TBC1D12: variants seen among roughly 807,000 people sequenced by gnomAD.
The protein encoded by TBC1D12 is TBC1 domain family member 12.
Under a neutral mutation model 86.7 loss-of-function variants are expected in TBC1D12, and 56 were observed. That is an observed-to-expected ratio of 0.65 (90% CI 0.52 to 0.81). The LOEUF (loss-of-function observed/expected upper bound fraction) is 0.81, where lower values mean the gene tolerates loss of function less well. Among genes scored for constraint, TBC1D12 ranks in the 30% least tolerant of loss-of-function variants. TBC1D12 has a pLI of 0.00. For missense variants in TBC1D12, 1,023 were observed against 1,038.8 expected, an observed-to-expected ratio of 0.98 and a Z score of 0.21; for synonymous variants, 421 against 411.7, an observed-to-expected ratio of 1.02 and a Z score of -0.27.
chr10:94,456,163 C>T (rs763287505), intron 2 of TBC1D12, among the ~76,000 whole-genome samples: 3 of 151,950 alleles, frequency 2.0e-5, no homozygotes, highest in Non-Finnish European at 2.9e-5. Context: ...CTACTGACTT[C>T]CTGTTTTCAA....
At chr10:94,490,211 C>T (rs1457230347) in intron 3 of TBC1D12, among the ~76,000 whole-genome samples, 2 of 151,702 alleles carry the variant, frequency 1.3e-5, no homozygotes, top group Non-Finnish European at 2.9e-5. Context: ...GCCAAGATTG[C>T]GCCTTTGCAC....
At chr10:94,440,647 T>C (rs1029214546) in intron 1 of TBC1D12, among the ~76,000 whole-genome samples, 2 of 152,256 alleles carry the variant, frequency 1.3e-5, no homozygotes, top group Non-Finnish European at 2.9e-5. Flanking sequence ...GAACTGTTTG[T>C]AATTAATCAT....
At position 94,489,022 on chromosome 10, in the gene TBC1D12, G is replaced by A. The variant is rs117989707; in HGVS notation, c.1212-4343G>A. Among the ~76,000 whole-genome samples the A allele has an allele frequency of 9.6e-3, 1,461 of 152,306 alleles. 14 individuals are homozygous for A. Among genetic ancestry groups the A allele is most frequent in the Non-Finnish European group, 0.015 (1,033 of 68,024 alleles). Reference sequence around the variant, plus strand: ...CAAATGTCCTGTCTGGTGTCTCACTGTGTCATCTACTGCCCCAGTCCACCG... The same window carrying A: ...CAAATGTCCTGTCTGGTGTCTCACTATGTCATCTACTGCCCCAGTCCACCG... On this transcript the variant is annotated intron_variant, in intron 3 of 12. Transcript: ENST00000225235.
rs1165066740 is a variant in TBC1D12 at position 94,517,593 on chromosome 10, GTA to G, written c.1762-4361_1762-4360del. 4.6e-5 allele frequency among the ~76,000 whole-genome samples: 7 copies of G among 152,022 alleles called. No homozygotes were observed. In the East Asian group the frequency reaches 1.4e-3, roughly 30 times the overall value. ...AGCTCTGTTAGGTCACTGAATTTAT[GTA>G]AAGTGACCACCATATAACTTAACTG... On this transcript the variant is annotated intron_variant, in intron 9 of 12. Transcript: ENST00000225235.
chr10:94,419,397 G>A (rs976553110), intron 1 of TBC1D12, among the ~76,000 whole-genome samples: 6 of 152,108 alleles, frequency 3.9e-5, no homozygotes, highest in Admixed American at 6.6e-5. Flanking sequence ...TTAAAAGGCC[G>A]GGTGCGGTGG....
intron 1 of TBC1D12, among the ~76,000 whole-genome samples, chr10:94,404,208 C>G (rs1180801107): frequency 6.6e-6 from 1 of 152,130 alleles, no homozygotes; most frequent in East Asian, 1.9e-4. Flanking sequence ...AGAATTTTAT[C>G]CCAACTTTTT....
intron 8 of TBC1D12, among the ~76,000 whole-genome samples, 185 bp from the exon 9 acceptor site, chr10:94,511,398 G>T (rs1225704725): frequency 6.6e-6 from 1 of 151,964 alleles, no homozygotes; most frequent in Non-Finnish European, 1.5e-5. Context: ...GCACCCATCT[G>T]CAGTATTAAA....
intron 1 of TBC1D12, among the ~76,000 whole-genome samples, chr10:94,410,087 G>A (rs888370485): frequency 3.9e-5 from 6 of 152,122 alleles, no homozygotes; most frequent in Non-Finnish European, 8.8e-5. Flanking sequence ...TAAGTGGAAG[G>A]AACTTCTATG....
In TBC1D12 at chr10:94,521,981, A is replaced by C; in HGVS notation, c.1788A>C (p.Ala596=). 1 of 1,610,980 alleles carries C rather than the reference A, an allele frequency of 6.2e-7. No homozygotes were observed. Among genetic ancestry groups the C allele is most frequent in the Non-Finnish European group, 8.5e-7 (1 of 1,177,900 alleles). The change falls in exon 10 of 13, where the codon GCA becomes GCC. Residue 596 remains alanine (A), a synonymous_variant. Coordinates refer to ENST00000225235, the MANE Select transcript of TBC1D12 (RefSeq NM_015188.2). The part of the protein sequence containing the change: ...GYVQGMSFIA[A]VLILNLEEAD... ...TCCAAGGGATGTCCTTCATTGCAGC[A>C]GTACTCATTCTCAATTTGGAAGAGG...
chr10:94,431,150 C>T (rs546871321), intron 1 of TBC1D12, among the ~76,000 whole-genome samples: 1 of 152,234 alleles, frequency 6.6e-6, no homozygotes, highest in East Asian at 1.9e-4. Context: ...TGTGGCGGCT[C>T]ACTCCTGTAA....
rs11187932 is a variant in TBC1D12, at chr10:94,414,175, G to C, written c.971+10591G>C. ...TTGTTTCCACGTTATTCTTGTTAAG[G>C]TGGTAAGAAGATGATAAAGAAGATT... On this transcript the variant is annotated intron_variant, in intron 1 of 12. Transcript: ENST00000225235. 2.2e-4 allele frequency among the ~76,000 whole-genome samples: 34 copies of C among 152,138 alleles called. 1 individual carries two copies. In the East Asian group the frequency reaches 5.4e-3, roughly 24 times the overall value.
At chr10:94,502,948 C>T (rs1040609890) in intron 6 of TBC1D12, among the ~76,000 whole-genome samples, 2 of 152,142 alleles carry the variant, frequency 1.3e-5, no homozygotes, top group African/African-American at 2.4e-5. Context: ...GGTGTATATT[C>T]TTTCTGGTCT....
intron 2 of TBC1D12, among the ~76,000 whole-genome samples, chr10:94,464,487 A>G (rs1398215132): frequency 6.6e-6 from 1 of 152,070 alleles, no homozygotes; most frequent in Non-Finnish European, 1.5e-5. Flanking sequence ...TTTTTTTGAG[A>G]CAAAGTCTGG....
chr10:94,405,439 G>A (rs1199255212), intron 1 of TBC1D12, among the ~76,000 whole-genome samples: 1 of 151,960 alleles, frequency 6.6e-6, no homozygotes. Context: ...TGTTACTCAG[G>A]ACAATATATG....
intron 11 of TBC1D12, among the ~76,000 whole-genome samples, chr10:94,530,029 G>C (rs1192040634): frequency 4.6e-5 from 7 of 152,190 alleles, no homozygotes. Context: ...ACAAATCCCA[G>C]AGACATTTTT....
At chr10:94,485,559 T>C (rs1259693143) in intron 3 of TBC1D12, among the ~76,000 whole-genome samples, 1 of 151,468 alleles carries the variant, frequency 6.6e-6, no homozygotes, top group African/African-American at 2.4e-5. Flanking sequence ...TTTTTTTTTT[T>C]TTTAGTGTGT....
chr10:94,478,112 C>T (rs1300074558), intron 3 of TBC1D12, among the ~76,000 whole-genome samples: 1 of 152,036 alleles, frequency 6.6e-6, no homozygotes, highest in Admixed American at 6.6e-5. Flanking sequence ...GAGACCCTGT[C>T]TCTACCAAAA....
intron 3 of TBC1D12, among the ~76,000 whole-genome samples, chr10:94,489,074 C>A (rs747931813): frequency 1.3e-5 from 2 of 149,720 alleles, no homozygotes; most frequent in African/African-American, 2.5e-5. Context: ...AGCATCAGGA[C>A]CTGCCTAAGA....
At chr10:94,407,697 T>C (rs1283861838) in intron 1 of TBC1D12, among the ~76,000 whole-genome samples, 2 of 147,686 alleles carry the variant, frequency 1.4e-5, no homozygotes, top group Non-Finnish European at 3.0e-5. Context: ...AAAGTTGAAA[T>C]GCTAGATGGG....
Sources: gnomAD v4.1 joint callset for allele counts (sites outside exome capture counted in the v4.1 genomes callset) on GRCh38, gnomAD v4.1.1 for gene constraint, MANE v1.5 for transcripts, NCBI Gene and HGNC (gene_info 2026-07-23, HGNC 2026-07-21) for gene names.